UIMC1: variants seen among roughly 807,000 people sequenced by gnomAD.
UIMC1 encodes ubiquitin interaction motif containing 1.
UIMC1 carries 42 observed loss-of-function variants against 84.9 expected under a neutral mutation model. That is an observed-to-expected ratio of 0.49 (90% CI 0.39 to 0.64). The LOEUF (loss-of-function observed/expected upper bound fraction) is 0.64. Ranked by LOEUF, UIMC1 falls within the 30% of genes least tolerant of loss-of-function variation. UIMC1 has a pLI of 0.00. For synonymous variants in UIMC1, 281 were observed against 293.0 expected, an observed-to-expected ratio of 0.96 and a Z score of 0.42; for missense variants, 825 against 847.6, an observed-to-expected ratio of 0.97 and a Z score of 0.33.
At chr5:177,014,461 G>T (rs1249159363) in intron 1 of UIMC1, among the ~76,000 whole-genome samples, 1 of 152,140 alleles carries the variant, frequency 6.6e-6, no homozygotes, top group Non-Finnish European at 1.5e-5. Flanking sequence ...GTCTACTATA[G>T]CCTCAAACCT....
At chr5:176,928,645 A>G (rs991145050) in intron 10 of UIMC1, among the ~76,000 whole-genome samples, 2 of 152,210 alleles carry the variant, frequency 1.3e-5, no homozygotes, top group African/African-American at 2.4e-5. Context: ...AACAAACCAG[A>G]TATTTGGTGG....
At chr5:177,001,020 C>T (rs907562766) in intron 1 of UIMC1, among the ~76,000 whole-genome samples, 12 of 152,044 alleles carry the variant, frequency 7.9e-5, no homozygotes, top group Non-Finnish European at 4.4e-5. Flanking sequence ...CATGTGATCC[C>T]ATTTGTCCAT....
At chr5:176,983,267 T>C (rs1771328938) in intron 1 of UIMC1, among the ~76,000 whole-genome samples, 3 of 151,266 alleles carry the variant, frequency 2.0e-5, no homozygotes, top group African/African-American at 7.3e-5. Context: ...CCCTCCTTTC[T>C]TCAGTCTCCC....
chr5:176,906,362 C>T (rs1216442443), intron 13 of UIMC1, among the ~76,000 whole-genome samples: 1 of 152,172 alleles, frequency 6.6e-6, no homozygotes, highest in Non-Finnish European at 1.5e-5. Context: ...GATCTAGAGA[C>T]AGCAGGATAT....
At chr5:176,917,329 TG>T (rs1761105485) in intron 10 of UIMC1, among the ~76,000 whole-genome samples, 1 of 152,006 alleles carries the variant, frequency 6.6e-6, no homozygotes, top group Non-Finnish European at 1.5e-5. Context: ...CCCAGCACTT[TG>T]GGAGGCCAAG....
chr5:176,913,660 C>G (rs1022835134), intron 10 of UIMC1, among the ~76,000 whole-genome samples: 2 of 152,208 alleles, frequency 1.3e-5, no homozygotes, highest in African/African-American at 4.8e-5. Flanking sequence ...GATCCATCCC[C>G]TACCCTCCCA....
At chr5:177,013,247 G>C (rs1307000882) in intron 1 of UIMC1, among the ~76,000 whole-genome samples, 4 of 151,724 alleles carry the variant, frequency 2.6e-5, no homozygotes, top group African/African-American at 9.7e-5. Flanking sequence ...TGTAATCCCA[G>C]CTACTTGGAA....
At chr5:176,971,340 G>C (rs539859764) in intron 3 of UIMC1, among the ~76,000 whole-genome samples, 1 of 152,186 alleles carries the variant, frequency 6.6e-6, no homozygotes, top group South Asian at 2.1e-4. Context: ...GTGGTCTCCA[G>C]ACACCATTTT....
At chr5:177,020,151 C>T (rs1023180379) in intron 1 of UIMC1, among the ~76,000 whole-genome samples, 4 of 152,186 alleles carry the variant, frequency 2.6e-5, no homozygotes, top group African/African-American at 9.6e-5. Context: ...TCTGATATTA[C>T]TTTCCTCCTT....
In UIMC1 at chr5:176,985,020, C is replaced by G. The variant is rs184108081; in HGVS notation, c.-8-2397G>C. On this transcript the variant is annotated intron_variant, in intron 1 of 14. Transcript: ENST00000511320. ...TTTGTTCATGTGTTTATCTGCTGAC[C>G]TTCTCTCCACTATTATCCTATGACC... Among the ~76,000 whole-genome samples the G allele has an allele frequency of 9.1e-3, 1,383 of 152,216 alleles. 7 individuals carry two copies. The highest frequency in any genetic ancestry group is 0.025 in the South Asian group (120 of 4,824).
At chr5:176,915,337 C>T (rs1760830857) in intron 10 of UIMC1, among the ~76,000 whole-genome samples, 1 of 151,224 alleles carries the variant, frequency 6.6e-6, no homozygotes, top group Admixed American at 6.6e-5. Context: ...CAATAGATTC[C>T]AGGGGAAAAA....
chr5:176,905,444 C>T lies in UIMC1; in HGVS notation c.1998G>A (p.Gln666=). Residue 666 remains glutamine, a synonymous_variant, in exon 15 of 15, where the codon CAG becomes CAA. Coordinates refer to ENST00000511320, the MANE Select transcript of UIMC1 (RefSeq NM_001199298.2). ...TTAAGTCACGACGTGTGAAAGAACT[C>T]TGCATCTCTCTGCTGCAGCCTGCCT... ...MEEAGCSREM[Q]SSFTRRDLNE... is the part of the protein sequence containing the mutation. 1 of 1,614,158 alleles carries T rather than the reference C, an allele frequency of 6.2e-7. No homozygotes were observed. Among genetic ancestry groups the T allele is most frequent in the East Asian group, 2.2e-5 (1 of 44,894 alleles).
At chr5:176,953,689 T>C (rs937834210) in intron 8 of UIMC1, among the ~76,000 whole-genome samples, 2 of 152,214 alleles carry the variant, frequency 1.3e-5, no homozygotes, top group African/African-American at 4.8e-5. Context: ...TTTCTGTGAA[T>C]GGCTGAAATG....
chr5:177,017,720 A>G (rs1775702302), intron 1 of UIMC1, among the ~76,000 whole-genome samples: 1 of 144,324 alleles, frequency 6.9e-6, no homozygotes, highest in South Asian at 2.2e-4. Flanking sequence ...CCCAGGTGGT[A>G]GTGCAGTGGT....
Position 176,975,435 on chromosome 5 carries a change from A to C in UIMC1, c.193T>G (p.Ser65Ala), listed in dbSNP as rs748384252. 6.2e-7 allele frequency: 1 copy of C among 1,614,044 alleles called. No homozygotes were observed. The highest frequency in any genetic ancestry group is 1.1e-5 in the South Asian group (1 of 91,064). Residue 65 changes from serine (S) to alanine (A), a missense_variant, in exon 3 of 15, where the codon TCG becomes GCG. By Grantham distance (99) the Ser-to-Ala change is moderately conservative. Transcript: ENST00000511320. ...TTGGCCAAACACTTTGCTCTATTCGACTGTTTTGTCTTCGTTTTCTGCAAC... is the reference window on the plus strand; with the variant it reads ...TTGGCCAAACACTTTGCTCTATTCGCCTGTTTTGTCTTCGTTTTCTGCAAC... ...NGLQKTKTKQ[S>A]NRAKCLAKRK...
chr5:177,010,045 G>GA (rs886899414), upstream of UIMC1, among the ~76,000 whole-genome samples: 334 of 148,820 alleles, frequency 2.2e-3, 6 homozygotes, highest in Admixed American at 0.02. Context: ...CGTGTGGCCA[G>GA]AAAAAAAAAA....
intron 10 of UIMC1, among the ~76,000 whole-genome samples, chr5:176,927,571 A>G (rs571094712): frequency 1.6e-3 from 246 of 152,256 alleles, no homozygotes; most frequent in African/African-American, 5.7e-3. Context: ...AATTAAAAAA[A>G]GAGAGAATTC....
At chr5:176,952,738 A>T (rs1357005930) in intron 8 of UIMC1, among the ~76,000 whole-genome samples, 2 of 152,152 alleles carry the variant, frequency 1.3e-5, no homozygotes, top group Admixed American at 6.5e-5. Context: ...TCAAGGTTGT[A>T]ATGAGCTATG....
At chr5:177,013,339 C>A (rs1053534372) in intron 1 of UIMC1, among the ~76,000 whole-genome samples, 5 of 147,762 alleles carry the variant, frequency 3.4e-5, no homozygotes, top group African/African-American at 7.6e-5. Flanking sequence ...CTAGCCTGGA[C>A]AACAGAGCAA....
Sources: gnomAD v4.1 joint callset for allele counts (sites outside exome capture counted in the v4.1 genomes callset) on GRCh38, gnomAD v4.1.1 for gene constraint, MANE v1.5 for transcripts, NCBI Gene and HGNC (gene_info 2026-07-23, HGNC 2026-07-21) for gene names.